Variants in SECISBP2L observed in about 807,000 individuals in gnomAD.
SECISBP2L encodes the protein SECIS binding protein 2 like, also known as selenocysteine insertion sequence-binding protein 2-like.
Under a neutral mutation model 114.7 loss-of-function variants are expected in SECISBP2L, and 43 were observed. That is an observed-to-expected ratio of 0.38 (90% confidence interval 0.29 to 0.48). The LOEUF is 0.48. Ranked by LOEUF, SECISBP2L falls within the 20% of genes least tolerant of loss-of-function variation. SECISBP2L has a pLI of 0.98. For synonymous variants in SECISBP2L, 451 were observed against 439.7 expected (o/e 1.03, Z -0.32); for missense variants, 1,136 against 1,301.1 (o/e 0.87, Z 1.95).
At chr15:49,028,216 AT>A (rs1287540908) in intron 5 of SECISBP2L, 48 bp from the exon 6 acceptor site, 1 of 1,482,372 alleles carries the variant, frequency 6.7e-7, no homozygotes, top group Non-Finnish European at 9.1e-7. Flanking sequence ...GAGAACCAAC[AT>A]TATGTACTTT....
intron 14 of SECISBP2L, chr15:49,001,705 A>G (rs929514110): frequency 6.6e-6 from 1 of 152,242 alleles, no homozygotes; most frequent in African/African-American, 2.4e-5. Context: ...GCGTGAAAAC[A>G]TGCAGTGTTT....
At chr15:49,020,902 C>A (rs1902628351) in intron 7 of SECISBP2L, among the ~76,000 whole-genome samples, 1 of 152,052 alleles carries the variant, frequency 6.6e-6, no homozygotes, top group East Asian at 1.9e-4. Context: ...TAATACAAAT[C>A]TTGTTTCCAA....
intron 14 of SECISBP2L, among the ~76,000 whole-genome samples, chr15:49,004,084 T>G (rs1008996825): frequency 6.6e-6 from 1 of 152,176 alleles, no homozygotes; most frequent in Non-Finnish European, 1.5e-5. Flanking sequence ...TTTTTTTGGT[T>G]GGTAGGATAT....
intron 7 of SECISBP2L, among the ~76,000 whole-genome samples, chr15:49,022,320 C>A (rs1309519696): frequency 6.6e-6 from 1 of 152,292 alleles, no homozygotes; most frequent in East Asian, 1.9e-4. Context: ...ACGATTCAAG[C>A]CAGGTGCGGT....
intron 7 of SECISBP2L, among the ~76,000 whole-genome samples, chr15:49,025,212 T>A (rs1902716439): frequency 6.6e-6 from 1 of 152,222 alleles, no homozygotes; most frequent in Non-Finnish European, 1.5e-5. Flanking sequence ...ATTTTTGCAA[T>A]AACCACATGG....
At chr15:49,029,330 T>G (rs571785764) in intron 4 of SECISBP2L, among the ~76,000 whole-genome samples, 1 of 152,240 alleles carries the variant, frequency 6.6e-6, no homozygotes, top group Non-Finnish European at 1.5e-5. Context: ...TTCTGAATTC[T>G]GTGCATATCA....
chr15:49,027,350 C>T lies in SECISBP2L; in HGVS notation c.1035+15G>A. On this transcript the variant is annotated intron_variant, in intron 7 of 17. Transcript: ENST00000559471. ...CTCATACCTAATCAATTTTCTCCAA[C>T]CTAATTCGAATTACCTGTGAATTAT... 3.8e-6 allele frequency: 6 copies of T among 1,582,252 alleles called. 1 individual carries two copies. In the South Asian group the frequency reaches 5.6e-5, roughly 15 times the overall value.
At chr15:49,004,203 C>G (rs1357920413) in intron 14 of SECISBP2L, among the ~76,000 whole-genome samples, 1 of 152,132 alleles carries the variant, frequency 6.6e-6, no homozygotes, top group African/African-American at 2.4e-5. Flanking sequence ...TCCATTTCTT[C>G]TAGATTTTCT....
At chr15:48,993,736 A>G (rs971029348) in intron 17 of SECISBP2L, among the ~76,000 whole-genome samples, 1 of 152,046 alleles carries the variant, frequency 6.6e-6, no homozygotes, top group Non-Finnish European at 1.5e-5. Context: ...GGAGGACAAA[A>G]AAAGTATTAT....
At position 49,039,833 on chromosome 15, in the gene SECISBP2L, T is replaced by TA. The variant is rs534230945; in HGVS notation, c.25-2065dup. Among the ~76,000 whole-genome samples, 167 of 152,190 alleles carry TA rather than the reference T, an allele frequency of 1.1e-3. 1 individual carries two copies. The highest frequency in any genetic ancestry group is 3.9e-3 in the African/African-American group (164 of 41,526). ...GCATGAGCCTGGCCAGGATTTCTTT[T>TA]AAAAAACAAAAAGTTCTTTACGACA... On this transcript the variant is annotated intron_variant, in intron 1 of 17. Transcript: ENST00000559471.
chr15:49,033,759 G>A (rs1902945639), intron 3 of SECISBP2L, among the ~76,000 whole-genome samples: 1 of 152,124 alleles, frequency 6.6e-6, no homozygotes, highest in Non-Finnish European at 1.5e-5. Flanking sequence ...TTGAGCCCAG[G>A]CGTTTGAGAT....
intron 7 of SECISBP2L, among the ~76,000 whole-genome samples, chr15:49,025,912 G>C (rs189420051): frequency 6.6e-6 from 1 of 152,284 alleles, no homozygotes; most frequent in African/African-American, 2.4e-5. Context: ...GTATGTTAAA[G>C]AGATATCTGC....
rs761803465 is a variant in SECISBP2L, at chr15:49,035,313, C to T, written c.528+21G>A. On this transcript the variant is annotated intron_variant, in intron 3 of 17. Transcript: ENST00000559471. ...TATAAGTAATATCAAATTTAAAAGCCAATCAAGACCAGACACTTACTTTTG... is the reference window on the plus strand; with the variant it reads ...TATAAGTAATATCAAATTTAAAAGCTAATCAAGACCAGACACTTACTTTTG... 5.6e-6 allele frequency: 9 copies of T among 1,593,878 alleles called. No individual in the cohort carries two copies. In the Admixed American group the frequency reaches 1.1e-4, roughly 19 times the overall value.
At position 49,027,398 on chromosome 15, in the gene SECISBP2L, A is replaced by T; in HGVS notation, c.1002T>A (p.Gly334=). 6.2e-7 allele frequency: 1 copy of T among 1,610,816 alleles called. No homozygotes were observed. The highest frequency in any genetic ancestry group is 8.5e-7 in the Non-Finnish European group (1 of 1,177,912). Reference sequence around the variant, plus strand: ...TATTTCTTTGTTCAGTTTGCCTTCCACCTCTAGAAAATGTCTGATTTTTTT... The same window carrying T: ...TATTTCTTTGTTCAGTTTGCCTTCCTCCTCTAGAAAATGTCTGATTTTTTT... The part of the protein sequence containing the change: ...WMEKNQTFSR[G]GRQTEQRNNS... The change falls in exon 7 of 18, where the codon GGT becomes GGA. Residue 334 remains glycine, a synonymous_variant. Coordinates refer to ENST00000559471, the MANE Select transcript of SECISBP2L (RefSeq NM_001193489.2).
At chr15:49,022,421 G>A (rs189176691) in intron 7 of SECISBP2L, among the ~76,000 whole-genome samples, 11 of 152,288 alleles carry the variant, frequency 7.2e-5, no homozygotes, top group Admixed American at 6.5e-4. Flanking sequence ...CCAACATGGT[G>A]AAACCTGGTC....
At chr15:48,997,012 T>TA (rs1239586881) in intron 16 of SECISBP2L, among the ~76,000 whole-genome samples, 2 of 152,290 alleles carry the variant, frequency 1.3e-5, no homozygotes, top group East Asian at 3.9e-4. Context: ...TTGAGAGGTG[T>TA]AAAGTGTTAT....
At chr15:49,017,130 A>T (rs939907261) in intron 9 of SECISBP2L, 115 bp from the exon 10 acceptor site, 2 of 986,234 alleles carry the variant, frequency 2.0e-6, no homozygotes, top group African/African-American at 3.3e-5. Context: ...CTCTTCAAAG[A>T]ATTCAATGTC....
rs1901990076 is a variant in SECISBP2L, at chr15:48,992,180, A to T, written c.*64T>A. 1 of 1,446,892 alleles carries T rather than the reference A, an allele frequency of 6.9e-7. No individual in the cohort carries two copies. The highest frequency in any genetic ancestry group is 1.4e-5 in the African/African-American group (1 of 70,264). The allele number at this position is 1,446,892 out of a possible 1,614,324, so 89.6% of individuals were successfully genotyped here. On this transcript the variant is annotated 3_prime_UTR_variant, in exon 18 of 18. Transcript: ENST00000559471. ...CTGGACAGTGCAAAATGTTGAGATG[A>T]AGCATAAAAGGTAATGGCTGCAACC...
chr15:49,038,874 AC>A (rs1257031557), intron 1 of SECISBP2L, among the ~76,000 whole-genome samples: 1 of 152,186 alleles, frequency 6.6e-6, no homozygotes, highest in Non-Finnish European at 1.5e-5. Flanking sequence ...CCTAGCCAGA[AC>A]TTTTTCCCAA....
Sources: gnomAD v4.1 joint callset for allele counts (sites outside exome capture counted in the v4.1 genomes callset) on GRCh38, gnomAD v4.1.1 for gene constraint, MANE v1.5 for transcripts, NCBI Gene and HGNC (gene_info 2026-07-23, HGNC 2026-07-21) for gene names.